The following RBPJ variants were observed in gnomAD, a reference collection of about 807,000 sequenced individuals.
The protein encoded by RBPJ is recombining binding protein suppressor of hairless.
Under a neutral mutation model 67.8 loss-of-function variants are expected in RBPJ, and 9 were observed. The observed-to-expected ratio is 0.13, with a 90% CI of 0.08 to 0.23. RBPJ has a LOEUF of 0.23. Ranked by LOEUF, RBPJ falls within the 10% of genes least tolerant of loss-of-function variation. RBPJ has a pLI of 1.00. For missense variants in RBPJ, 305 were observed against 595.6 expected, an observed-to-expected ratio of 0.51 and a Z score of 5.08; for synonymous variants, 198 against 203.3, an observed-to-expected ratio of 0.97 and a Z score of 0.22.
chr4:26,335,997 G>A (rs756619276), intron 1 of RBPJ, among the ~76,000 whole-genome samples: 2 of 152,092 alleles, frequency 1.3e-5, no homozygotes, highest in Admixed American at 1.3e-4. Flanking sequence ...GGGGGATCTG[G>A]TCACCTAATT....
At chr4:26,372,287 T>C (rs775326937) in intron 1 of RBPJ, among the ~76,000 whole-genome samples, 46 of 152,330 alleles carry the variant, frequency 3.0e-4, no homozygotes, top group Non-Finnish European at 3.4e-4. Context: ...AGATCAGTAA[T>C]ACTAGTGCTG....
chr4:26,349,008 G>A (rs1726487481), intron 1 of RBPJ, among the ~76,000 whole-genome samples: 1 of 151,942 alleles, frequency 6.6e-6, no homozygotes, highest in Admixed American at 6.6e-5. Flanking sequence ...TGCCTGGTCT[G>A]TAAACAAAGT....
At chr4:26,353,061 T>G (rs895826950) in intron 1 of RBPJ, among the ~76,000 whole-genome samples, 5 of 152,238 alleles carry the variant, frequency 3.3e-5, no homozygotes, top group African/African-American at 4.8e-5. Flanking sequence ...TAGCAATTTC[T>G]GAAGCTACTA....
At chr4:26,218,613 T>C (rs1718798624) in intron 1 of RBPJ, among the ~76,000 whole-genome samples, 1 of 152,236 alleles carries the variant, frequency 6.6e-6, no homozygotes. Context: ...TCGCTGTTGC[T>C]GTCTGTGCCA....
chr4:26,133,756 A>G, the RBPJ span, among the ~76,000 whole-genome samples: 2 of 150,116 alleles, frequency 1.3e-5, no homozygotes, highest in African/African-American at 4.9e-5. Context: ...AGTCTATGGA[A>G]AAATTGTCTT....
intron 1 of RBPJ, among the ~76,000 whole-genome samples, chr4:26,201,857 C>T (rs1717991302): frequency 2.0e-5 from 3 of 152,194 alleles, no homozygotes; most frequent in African/African-American, 7.2e-5. Context: ...GACTTATACA[C>T]AGATCAGAAA....
intron 1 of RBPJ, among the ~76,000 whole-genome samples, chr4:26,188,296 C>T (rs559620751): frequency 2.0e-5 from 3 of 152,286 alleles, no homozygotes; most frequent in South Asian, 4.1e-4. Context: ...ATTCTTTGAA[C>T]TCTTTTTAAT....
At chr4:26,418,513 T>G (rs1342088782) in intron 4 of RBPJ, among the ~76,000 whole-genome samples, 2 of 152,206 alleles carry the variant, frequency 1.3e-5, no homozygotes, top group African/African-American at 4.8e-5. Context: ...ATATGTGTGT[T>G]TGTTTTTTCC....
intron 1 of RBPJ, among the ~76,000 whole-genome samples, chr4:26,187,152 G>T (rs937732846): frequency 4.6e-5 from 7 of 152,226 alleles, no homozygotes; most frequent in Admixed American, 3.3e-4. Flanking sequence ...AGCCCGGGAA[G>T]TGGAGGCTGC....
At chr4:26,414,345 T>G (rs569713626) in intron 3 of RBPJ, among the ~76,000 whole-genome samples, 3 of 152,196 alleles carry the variant, frequency 2.0e-5, no homozygotes, top group African/African-American at 7.2e-5. Flanking sequence ...ATTTTTGTAT[T>G]TTTTGTAGAC....
chr4:26,220,009 T>C (rs899295741), intron 1 of RBPJ, among the ~76,000 whole-genome samples: 16 of 152,170 alleles, frequency 1.1e-4, no homozygotes, highest in Non-Finnish European at 1.9e-4. Flanking sequence ...GGTCTCTATC[T>C]GGTGACCTCG....
rs115426617 is a variant in RBPJ, at chr4:26,375,453, G to A, written c.21-10900G>A. ...CTATCTGTTCCAAGTGTCTAGTGTG[G>A]TACCTAACACCTAATGGGCACTTAC... On this transcript the variant is annotated intron_variant, in intron 1 of 10. Transcript: ENST00000355476. 8.0e-3 allele frequency among the ~76,000 whole-genome samples: 1,225 copies of A among 152,270 alleles called. 23 individuals carry two copies. Among genetic ancestry groups the A allele is most frequent in the African/African-American group, 0.028 (1,178 of 41,544 alleles).
intron 1 of RBPJ, among the ~76,000 whole-genome samples, chr4:26,178,365 G>C (rs1388456410): frequency 6.6e-6 from 1 of 152,176 alleles, no homozygotes; most frequent in Non-Finnish European, 1.5e-5. Context: ...GCCGGGCATA[G>C]TGGCTCACAC....
At chr4:26,306,210 G>A (rs1412100345) in intron 1 of RBPJ, among the ~76,000 whole-genome samples, 1 of 151,834 alleles carries the variant, frequency 6.6e-6, no homozygotes, top group Non-Finnish European at 1.5e-5. Flanking sequence ...TTGCCTAATT[G>A]TCCTGGCTAG....
intron 1 of RBPJ, among the ~76,000 whole-genome samples, chr4:26,340,836 C>T (rs1725440582): frequency 7.5e-6 from 1 of 133,962 alleles, no homozygotes. Flanking sequence ...TCCAGCCTGG[C>T]AACAGAGTGA....
intron 1 of RBPJ, among the ~76,000 whole-genome samples, chr4:26,343,460 C>A (rs1306361081): frequency 6.6e-6 from 1 of 152,112 alleles, no homozygotes; most frequent in Non-Finnish European, 1.5e-5. Context: ...TTATTTGAAG[C>A]TACATATTTC....
chr4:26,198,637 C>T (rs1345603574), intron 1 of RBPJ, among the ~76,000 whole-genome samples: 1 of 152,184 alleles, frequency 6.6e-6, no homozygotes, highest in East Asian at 1.9e-4. Flanking sequence ...CTCCATTTTC[C>T]AGATGAGAAA....
Position 26,175,261 on chromosome 4 carries a change from A to T in RBPJ, c.-167+11647A>T, listed in dbSNP as rs73112551. Among the ~76,000 whole-genome samples the T allele has an allele frequency of 9.9e-3, 1,509 of 152,200 alleles. 26 individuals carry two copies. Among genetic ancestry groups the T allele is most frequent in the African/African-American group, 0.034 (1,417 of 41,524 alleles). On this transcript the variant is annotated intron_variant, in intron 1 of 4. Transcript: ENST00000512351. ...CGCCTGGAATTCGGATGCTCAGAGG[A>T]GGGAAATTATACCCTGAGGTTCTGA...
At chr4:26,226,221 T>C (rs1719071782) in intron 1 of RBPJ, among the ~76,000 whole-genome samples, 2 of 151,878 alleles carry the variant, frequency 1.3e-5, no homozygotes. Context: ...TCCCAACACT[T>C]TGGGAGGCCA....
Sources: allele counts gnomAD v4.1 joint callset (sites outside exome capture counted in the v4.1 genomes callset), GRCh38; gene constraint gnomAD v4.1.1; transcripts MANE v1.5; gene names NCBI Gene and HGNC (gene_info 2026-07-23, HGNC 2026-07-21).